The following COL26A1 variants were observed in gnomAD, a reference collection of about 807,000 sequenced individuals.
COL26A1 encodes the protein collagen type XXVI alpha 1 chain, also known as collagen alpha-1(XXVI) chain.
A neutral mutation model predicts 59.3 loss-of-function variants in COL26A1; 41 were observed. The ratio of observed to expected loss-of-function variants is 0.69; its 90% CI spans 0.54 to 0.90. The LOEUF (loss-of-function observed/expected upper bound fraction) is 0.90, where lower values mean the gene tolerates loss of function less well. COL26A1 is among the 40% of genes least tolerant of loss of function. The probability of loss-of-function intolerance (pLI) is 0.00; values close to 1 mark genes in which losing one functional copy is unlikely to be tolerated. For missense variants in COL26A1, 612 were observed against 602.3 expected (o/e 1.02, Z -0.17); for synonymous variants, 266 against 256.0 (o/e 1.04, Z -0.37).
intron 3 of COL26A1, among the ~76,000 whole-genome samples, chr7:101,491,247 C>T (rs868303354): frequency 5.9e-5 from 9 of 152,156 alleles, no homozygotes; most frequent in African/African-American, 1.7e-4. Flanking sequence ...TCCCAACTCC[C>T]GTGCAGGGGT....
intron 3 of COL26A1, among the ~76,000 whole-genome samples, chr7:101,465,426 C>T (rs1793733660): frequency 6.6e-6 from 1 of 152,098 alleles, no homozygotes; most frequent in Non-Finnish European, 1.5e-5. Context: ...CACTCCAGTG[C>T]AGGACAACAT....
rs1563007252 is a variant in COL26A1, at chr7:101,489,655, TTCTTTCTTCCTTCCTTCCTTCCTTCC to T, written c.385+41870_385+41895del. Among the ~76,000 whole-genome samples the T allele has an allele frequency of 5.7e-4, 43 of 75,398 alleles. 4 individuals are homozygous for T. Among genetic ancestry groups the T allele is most frequent in the African/African-American group, 4.6e-3 (40 of 8,722 alleles). 49.5% of individuals were successfully genotyped at this position (75,398 alleles called of 152,430 possible). The stretch of plus-strand genomic sequence containing the variant: ...TTTCTTTCTTTCTTTCTTTCTTTCT[TTCTTTCTTCCTTCCTTCCTTCCTTCC>T]TTTCTTTCTTTCTTTCTGTCTTTCT... On this transcript the variant is annotated intron_variant, in intron 3 of 12. Coordinates refer to ENST00000313669, the MANE Select transcript of COL26A1 (RefSeq NM_001278563.3).
At chr7:101,471,302 G>A (rs1223154420) in intron 3 of COL26A1, among the ~76,000 whole-genome samples, 1 of 152,136 alleles carries the variant, frequency 6.6e-6, no homozygotes, top group African/African-American at 2.4e-5. Flanking sequence ...GGCTGATGTG[G>A]AGCCACATCA....
In COL26A1 at chr7:101,557,505, T is replaced by C; in HGVS notation, c.1301T>C (p.Val434Ala). The change falls in exon 13 of 13, where the codon GTG becomes GCG. Residue 434 changes from valine (V) to alanine (A), a missense_variant. Val to Ala is a moderately conservative substitution (Grantham distance 64). Transcript: ENST00000313669. ...GGGCCCGACCCTGGACAGAAGAGCG[T>C]GGACCAGGCCAGCAGCAGGAAGTGA... ...LLGPDPGQKS[V>A]DQASSRK 6.2e-7 allele frequency: 1 copy of C among 1,611,874 alleles called. No individual in the cohort carries two copies. Among genetic ancestry groups the C allele is most frequent in the East Asian group, 2.2e-5 (1 of 44,838 alleles).
intron 3 of COL26A1, among the ~76,000 whole-genome samples, chr7:101,467,909 G>A (rs539806589): frequency 3.9e-5 from 6 of 151,988 alleles, no homozygotes; most frequent in Non-Finnish European, 8.8e-5. Context: ...CCGCCATGTT[G>A]AACCTACCTG....
At chr7:101,434,164 CT>C (rs1792853773) in intron 2 of COL26A1, among the ~76,000 whole-genome samples, 1 of 32,162 alleles carries the variant, frequency 3.1e-5, no homozygotes, top group African/African-American at 1.4e-4. Flanking sequence ...CTCGTTCTTT[CT>C]CTCCCCTTCC....
chr7:101,457,922 A>C (rs1302397645), intron 3 of COL26A1, among the ~76,000 whole-genome samples: 1 of 127,210 alleles, frequency 7.9e-6, no homozygotes, highest in Non-Finnish European at 1.6e-5. Context: ...TTTGAAATGG[A>C]GTCTCACCCT....
At chr7:101,437,132 G>A (rs2130343149) in intron 2 of COL26A1, among the ~76,000 whole-genome samples, 1 of 152,326 alleles carries the variant, frequency 6.6e-6, no homozygotes, top group East Asian at 1.9e-4. Flanking sequence ...GCTCCGTGGA[G>A]AAGGATGTCA....
At chr7:101,492,478 C>T (rs1259759732) in intron 3 of COL26A1, among the ~76,000 whole-genome samples, 3 of 151,800 alleles carry the variant, frequency 2.0e-5, no homozygotes, top group Non-Finnish European at 4.4e-5. Context: ...AGGAGGATCA[C>T]CTGAGGTCAG....
intron 1 of COL26A1, among the ~76,000 whole-genome samples, chr7:101,364,147 G>A (rs1790983846): frequency 6.6e-6 from 1 of 152,146 alleles, no homozygotes; most frequent in Non-Finnish European, 1.5e-5. Flanking sequence ...GCTCAGGGCT[G>A]CGGCTCCGGA....
chr7:101,400,669 C>T (rs952995985), intron 1 of COL26A1, among the ~76,000 whole-genome samples: 2 of 152,186 alleles, frequency 1.3e-5, no homozygotes, highest in Non-Finnish European at 2.9e-5. Flanking sequence ...AACGATTCTT[C>T]TGCTTTAGCC....
chr7:101,431,412 A>G (rs1345440317), intron 2 of COL26A1, among the ~76,000 whole-genome samples: 1 of 151,910 alleles, frequency 6.6e-6, no homozygotes, highest in Admixed American at 6.6e-5. Context: ...GGCGTGTGCC[A>G]CCATGCCCAG....
At chr7:101,489,699 G>T (rs12056076) in intron 3 of COL26A1, among the ~76,000 whole-genome samples, 9,063 of 48,536 alleles carry the variant, frequency 0.19, 2,660 homozygotes, top group African/African-American at 0.4. Flanking sequence ...CTTTCTTTCT[G>T]TCTTTCTTTC....
At chr7:101,429,567 C>CT (rs1006455096) in intron 2 of COL26A1, among the ~76,000 whole-genome samples, 3 of 111,592 alleles carry the variant, frequency 2.7e-5, no homozygotes, top group African/African-American at 3.4e-5. Context: ...TCACTTTATT[C>CT]TTTTTTTTCC....
intron 2 of COL26A1, among the ~76,000 whole-genome samples, chr7:101,440,862 A>C (rs1793039214): frequency 6.6e-6 from 1 of 152,056 alleles, no homozygotes. Context: ...CTGTAATTGC[A>C]GCTACTTGGG....
intron 1 of COL26A1, among the ~76,000 whole-genome samples, chr7:101,366,631 G>GT (rs1791056025): frequency 6.6e-6 from 1 of 151,578 alleles, no homozygotes; most frequent in East Asian, 1.9e-4. Flanking sequence ...CTCCTAAGTA[G>GT]TTGGGACCAT....
intron 1 of COL26A1, among the ~76,000 whole-genome samples, chr7:101,379,994 TC>T (rs1461828633): frequency 6.6e-6 from 1 of 152,184 alleles, no homozygotes; most frequent in African/African-American, 2.4e-5. Flanking sequence ...TTACTTACTT[TC>T]TTTTTTTTCT....
At chr7:101,499,785 G>C (rs1794661809) in intron 3 of COL26A1, among the ~76,000 whole-genome samples, 1 of 151,814 alleles carries the variant, frequency 6.6e-6, no homozygotes, top group Non-Finnish European at 1.5e-5. Context: ...GCTGAGGCAG[G>C]AGGATCACTT....
intron 1 of COL26A1, among the ~76,000 whole-genome samples, 165 bp downstream of exon 1, chr7:101,363,355 C>G (rs1417172151): frequency 9.2e-6 from 1 of 108,202 alleles, no homozygotes; most frequent in Non-Finnish European, 1.8e-5. Flanking sequence ...CACCGGGCAG[C>G]TGGAACGAGA....
Sources: gnomAD v4.1 joint callset for allele counts (sites outside exome capture counted in the v4.1 genomes callset) on GRCh38, gnomAD v4.1.1 for gene constraint, MANE v1.5 for transcripts, NCBI Gene and HGNC (gene_info 2026-07-23, HGNC 2026-07-21) for gene names.